Variants in GCNT1 observed in about 807,000 individuals in gnomAD.
GCNT1 encodes glucosaminyl (N-acetyl) transferase 1.
A neutral mutation model predicts 26.2 loss-of-function variants in GCNT1; 16 were observed. That is an observed-to-expected ratio of 0.61 (90% CI 0.41 to 0.93). GCNT1 has a LOEUF of 0.93. Among genes scored for constraint, GCNT1 ranks in the 40% least tolerant of loss-of-function variants. The pLI, the probability that GCNT1 is intolerant of heterozygous loss-of-function variation, is 0.00. For missense variants in GCNT1, 477 were observed against 526.7 expected (o/e 0.91, Z 0.92); for synonymous variants, 183 against 190.8 (o/e 0.96, Z 0.34).
At chr9:76,397,580 A>T in the GCNT1 span, among the ~76,000 whole-genome samples, 1 of 151,736 alleles carries the variant, frequency 6.6e-6, no homozygotes, top group Non-Finnish European at 1.5e-5. Context: ...AGTAGCTGGG[A>T]CTACAGGTTT....
the GCNT1 span, chr9:76,394,647 C>T: frequency 6.5e-6 from 1 of 154,626 alleles, no homozygotes; most frequent in Non-Finnish European, 1.4e-5. Flanking sequence ...GGATCCCGGG[C>T]TTCGTTTCAG....
chr9:76,428,279 A>G (rs1823284628), intron 1 of GCNT1, among the ~76,000 whole-genome samples: 1 of 142,540 alleles, frequency 7.0e-6, no homozygotes, highest in Non-Finnish European at 1.5e-5. Flanking sequence ...AAAAAAAAAA[A>G]AAAAAAAAAA....
At chr9:76,459,679 A>G (rs377705068) in intron 1 of GCNT1, among the ~76,000 whole-genome samples, 1 of 152,134 alleles carries the variant, frequency 6.6e-6, no homozygotes, top group African/African-American at 2.4e-5. Flanking sequence ...GCTTAACTTC[A>G]TTTAACTTCA....
intron 2 of GCNT1, among the ~76,000 whole-genome samples, chr9:76,465,980 T>G (rs867263642): frequency 1.1e-4 from 17 of 152,154 alleles, no homozygotes; most frequent in African/African-American, 3.9e-4. Context: ...GTGTTTTGTT[T>G]GTGAGACATC....
At chr9:76,437,490 G>A (rs1823425514), upstream of GCNT1, among the ~76,000 whole-genome samples, 3 of 152,144 alleles carry the variant, frequency 2.0e-5, no homozygotes, top group Non-Finnish European at 2.9e-5. Flanking sequence ...AAAAAGGGGA[G>A]GCATGAATAA....
At chr9:76,479,439 G>C (rs948404952) in intron 2 of GCNT1, among the ~76,000 whole-genome samples, 4 of 152,192 alleles carry the variant, frequency 2.6e-5, no homozygotes, top group African/African-American at 9.7e-5. Flanking sequence ...TCGCCACACT[G>C]TCTTCCACAA....
At chr9:76,458,556 A>T (rs2131591746), upstream of GCNT1, among the ~76,000 whole-genome samples, 1 of 152,280 alleles carries the variant, frequency 6.6e-6, no homozygotes, top group Admixed American at 6.5e-5. Flanking sequence ...CCAACGAAAG[A>T]AGACACAGAC....
chr9:76,480,202 C>G (rs1824381992), intron 2 of GCNT1, among the ~76,000 whole-genome samples: 1 of 152,048 alleles, frequency 6.6e-6, no homozygotes, highest in Admixed American at 6.6e-5. Context: ...CTGTTCTGTT[C>G]CATTGGTCTA....
chr9:76,413,003 T>C, the GCNT1 span, among the ~76,000 whole-genome samples: 1 of 152,210 alleles, frequency 6.6e-6, no homozygotes, highest in Non-Finnish European at 1.5e-5. Context: ...CCTCATTCTC[T>C]CTCTTGCTCC....
chr9:76,502,250 A>G lies in GCNT1; in HGVS notation c.-132A>G, dbSNP rs1825095059. ...TTCTTTTATTTCAGTGCTGCTCTTCATTTCAAGATGCCGTTGCAGCTCTGA... is the reference window on the plus strand; with the variant it reads ...TTCTTTTATTTCAGTGCTGCTCTTCGTTTCAAGATGCCGTTGCAGCTCTGA... On this transcript the variant is annotated 5_prime_UTR_variant, in exon 4 of 4. Coordinates refer to ENST00000376730, the MANE Select transcript of GCNT1 (RefSeq NM_001490.5). 2.1e-6 allele frequency: 1 copy of G among 479,250 alleles called. No homozygotes were observed. The highest frequency in any genetic ancestry group is 3.7e-6 in the Non-Finnish European group (1 of 267,884). 29.7% of individuals were successfully genotyped at this position (479,250 alleles called of 1,614,324 possible).
upstream of GCNT1, among the ~76,000 whole-genome samples, chr9:76,419,114 C>T (rs1171007174): frequency 6.6e-6 from 1 of 152,116 alleles, no homozygotes; most frequent in East Asian, 1.9e-4. Flanking sequence ...AACATTGCCT[C>T]CTCTATGGCT....
At chr9:76,430,315 T>C (rs1317131130) in intron 1 of GCNT1, among the ~76,000 whole-genome samples, 1 of 152,190 alleles carries the variant, frequency 6.6e-6, no homozygotes, top group Non-Finnish European at 1.5e-5. Context: ...CTCATTATTG[T>C]TTCTATTTTA....
the GCNT1 span, chr9:76,399,684 C>A: frequency 1.4e-6 from 1 of 732,248 alleles, no homozygotes; most frequent in South Asian, 1.7e-5. Flanking sequence ...GTTTTTACCC[C>A]AATCCATTTT....
chr9:76,455,068 G>A (rs369212511), upstream of GCNT1, among the ~76,000 whole-genome samples: 162 of 151,800 alleles, frequency 1.1e-3, no homozygotes, highest in African/African-American at 3.8e-3. Flanking sequence ...GGCTGGTCTC[G>A]AACTCCTAAC....
At chr9:76,430,803 G>A (rs919958792) in intron 1 of GCNT1, among the ~76,000 whole-genome samples, 1 of 152,018 alleles carries the variant, frequency 6.6e-6, no homozygotes, top group African/African-American at 2.4e-5. Flanking sequence ...TGTGCCTCAG[G>A]CCCCTGAGTA....
At chr9:76,432,410 A>C (rs1823348430) in intron 1 of GCNT1, among the ~76,000 whole-genome samples, 1 of 152,120 alleles carries the variant, frequency 6.6e-6, no homozygotes, top group South Asian at 2.1e-4. Flanking sequence ...TGGTGTAATC[A>C]TGGCTCACTG....
At chr9:76,445,120 A>G (rs1473364400) in intron 1 of GCNT1, among the ~76,000 whole-genome samples, 1 of 152,212 alleles carries the variant, frequency 6.6e-6, no homozygotes, top group Non-Finnish European at 1.5e-5. Context: ...CAAAAGGAGA[A>G]ATAACATTTT....
chr9:76,481,022 T>G (rs960688220), intron 2 of GCNT1, among the ~76,000 whole-genome samples: 3 of 152,080 alleles, frequency 2.0e-5, no homozygotes, highest in African/African-American at 7.2e-5. Context: ...GAGGATTGCT[T>G]GAGGCCAGGA....
upstream of GCNT1, among the ~76,000 whole-genome samples, chr9:76,440,837 G>A (rs1823474251): frequency 1.3e-5 from 2 of 151,888 alleles, no homozygotes; most frequent in South Asian, 2.1e-4. Context: ...AGGTTGAGGC[G>A]GGTGGATCAC....
Sources: gnomAD v4.1 joint callset for allele counts (sites outside exome capture counted in the v4.1 genomes callset) on GRCh38, gnomAD v4.1.1 for gene constraint, MANE v1.5 for transcripts, NCBI Gene and HGNC (gene_info 2026-07-23, HGNC 2026-07-21) for gene names.